Variants in CASQ2 observed in about 807,000 individuals in gnomAD.
CASQ2 encodes the protein calsequestrin 2, also known as calsequestrin-2.
CASQ2 carries 49 observed loss-of-function variants against 46.5 expected under a neutral mutation model. That is an observed-to-expected ratio of 1.05 (90% CI 0.84 to 1.34). The LOEUF (loss-of-function observed/expected upper bound fraction) is 1.34, where lower values mean the gene tolerates loss of function less well. CASQ2 is among the 40% of genes most tolerant of loss of function. The pLI is 0.00. For synonymous variants in CASQ2, 174 were observed against 168.5 expected (o/e 1.03, Z -0.25); for missense variants, 486 against 481.3 (o/e 1.01, Z -0.09).
Position 115,768,495 on chromosome 1 carries a change from G to T in CASQ2, c.47C>A (p.Ser16Tyr). The T allele has an allele frequency of 6.2e-7, 1 of 1,613,742 alleles. No homozygotes were observed. Among genetic ancestry groups the T allele is most frequent in the Admixed American group, 1.7e-5 (1 of 60,026 alleles). ...ATTAAGCCCCTCTTCTGCCCTGCAAGAGGACAGAAAATAAATCCCCACAAT... is the reference window on the plus strand; with the variant it reads ...ATTAAGCCCCTCTTCTGCCCTGCAATAGGACAGAAAATAAATCCCCACAAT... The part of the protein sequence containing the change: ...LFIVGIYFLS[S>Y]CRAEEGLNFP... Residue 16 changes from serine (S) to tyrosine (Y), a missense_variant, in exon 1 of 11, where the codon TCT (serine) becomes TAT (tyrosine). By Grantham distance (144) the Ser-to-Tyr change is moderately radical. Transcript: ENST00000261448.
At chr1:115,739,269 A>G (rs954140666) in intron 3 of CASQ2, among the ~76,000 whole-genome samples, 16 of 150,340 alleles carry the variant, frequency 1.1e-4, no homozygotes, top group Non-Finnish European at 2.1e-4. Flanking sequence ...CACCATGCCC[A>G]GCTAAGTTTT....
chr1:115,742,106 G>A (rs1648202440), intron 2 of CASQ2, among the ~76,000 whole-genome samples: 1 of 152,056 alleles, frequency 6.6e-6, no homozygotes, highest in East Asian at 1.9e-4. Flanking sequence ...GGAGTGCAGG[G>A]CCATGATCAT....
chr1:115,765,934 G>C (rs1649119584), intron 1 of CASQ2, among the ~76,000 whole-genome samples: 1 of 152,150 alleles, frequency 6.6e-6, no homozygotes, highest in Non-Finnish European at 1.5e-5. Context: ...TAGATGTTTT[G>C]ACCATGAAGA....
chr1:115,738,202 C>T (rs1373848508), intron 4 of CASQ2, 22 bp downstream of exon 4: 1 of 1,409,524 alleles, frequency 7.1e-7, no homozygotes, highest in East Asian at 2.3e-5. Context: ...GACTGATCGG[C>T]TGGGGTTGGC....
At chr1:115,734,317 C>T (rs1413079681) in intron 4 of CASQ2, among the ~76,000 whole-genome samples, 2 of 152,112 alleles carry the variant, frequency 1.3e-5, no homozygotes, top group African/African-American at 4.8e-5. Context: ...ATCCTCTATC[C>T]CCCTCTTTTC....
In CASQ2 at chr1:115,725,218, G is replaced by C. The variant is rs74997064; in HGVS notation, c.783+290C>G. On this transcript the variant is annotated intron_variant, in intron 7 of 10. Transcript: ENST00000261448. The stretch of plus-strand genomic sequence containing the variant: ...AGTAGCTGGAACTCCAGGCACATGC[G>C]ACCATGCTCGGTTACTTTTTGCATT... 3.9e-5 allele frequency among the ~76,000 whole-genome samples: 6 copies of C among 151,964 alleles called. No individual in the cohort carries two copies. The East Asian group carries it at 5.8e-4, about 15-fold the overall frequency.
intron 5 of CASQ2, among the ~76,000 whole-genome samples, chr1:115,727,447 A>G (rs1647635511): frequency 6.6e-6 from 1 of 152,220 alleles, no homozygotes; most frequent in Non-Finnish European, 1.5e-5. Flanking sequence ...CCAGGGCTGG[A>G]TGGGAAGCAA....
chr1:115,738,153 G>A, intron 4 of CASQ2, 71 bp downstream of exon 4: 1 of 905,978 alleles, frequency 1.1e-6, no homozygotes, highest in South Asian at 1.3e-5. Flanking sequence ...ATCCTCTTTT[G>A]GGGTAACCTG....
chr1:115,719,212 C>T (rs1057248982), intron 7 of CASQ2, among the ~76,000 whole-genome samples: 6 of 152,156 alleles, frequency 3.9e-5, no homozygotes, highest in Admixed American at 2.6e-4. Flanking sequence ...GTCAGATTCT[C>T]TGGAGAATTT....
intron 8 of CASQ2, among the ~76,000 whole-genome samples, chr1:115,708,582 T>A (rs889043220): frequency 2.0e-5 from 3 of 152,238 alleles, no homozygotes; most frequent in Admixed American, 6.5e-5. Flanking sequence ...ATGATGAAAA[T>A]GATAGCATCT....
intron 1 of CASQ2, among the ~76,000 whole-genome samples, chr1:115,746,343 G>T (rs554599284): frequency 6.6e-6 from 1 of 152,112 alleles, no homozygotes; most frequent in South Asian, 2.1e-4. Flanking sequence ...TGAGATAAAT[G>T]TCTAATAGTA....
intron 7 of CASQ2, among the ~76,000 whole-genome samples, 154 bp downstream of exon 7, chr1:115,725,354 G>A (rs568132735): frequency 2.2e-4 from 33 of 152,050 alleles, no homozygotes; most frequent in African/African-American, 7.2e-4. Flanking sequence ...GTTCTGAGCC[G>A]TCGTACCCAA....
chr1:115,723,254 A>G (rs12039088), intron 7 of CASQ2, among the ~76,000 whole-genome samples: 2 of 110,744 alleles, frequency 1.8e-5, no homozygotes, highest in Non-Finnish European at 3.9e-5. Context: ...CTATCTCTCT[A>G]TATCTATCTA....
At position 115,768,370 on chromosome 1, in the gene CASQ2, C is replaced by T. The variant is rs376824588; in HGVS notation, c.172G>A (p.Glu58Lys). The part of the protein sequence containing the change: ...KYDLLCLYYH[E>K]PVSSDKVTQK... ...GTGACCTTATCTGAAGACACCGGCT[C>T]ATGGTAGTAGAGGCAAAGCAAGTCA... is the stretch of plus-strand genomic sequence containing the variant. The change falls in exon 1 of 11, where the codon GAG becomes AAG. Residue 58 changes from glutamate to lysine, a missense_variant. By Grantham distance (56) the Glu-to-Lys change is moderately conservative. Transcript: ENST00000261448. The T allele has an allele frequency of 1.4e-5, 23 of 1,613,962 alleles. No individual in the cohort carries two copies. The highest frequency in any genetic ancestry group is 2.7e-5 in the African/African-American group (2 of 74,908).
chr1:115,741,364 G>A (rs1257947818), intron 2 of CASQ2, among the ~76,000 whole-genome samples: 2 of 152,170 alleles, frequency 1.3e-5, no homozygotes, highest in Admixed American at 6.5e-5. Context: ...AGTTTTTCTT[G>A]TTCTCCCAGC....
chr1:115,726,044 T>G (rs1647577008), intron 6 of CASQ2, among the ~76,000 whole-genome samples: 2 of 152,236 alleles, frequency 1.3e-5, no homozygotes, highest in South Asian at 4.1e-4. Context: ...TATATTTTGC[T>G]CATAGTTTCA....
intron 1 of CASQ2, among the ~76,000 whole-genome samples, chr1:115,758,993 A>T (rs895120868): frequency 6.6e-6 from 1 of 152,244 alleles, no homozygotes; most frequent in Non-Finnish European, 1.5e-5. Context: ...TAGAAAAAGC[A>T]TAGAGGAGGG....
chr1:115,763,378 C>T (rs910053984), intron 1 of CASQ2, among the ~76,000 whole-genome samples: 3 of 152,008 alleles, frequency 2.0e-5, no homozygotes, highest in South Asian at 2.1e-4. Flanking sequence ...ACATCGAGAG[C>T]GACCTGTGAC....
chr1:115,735,774 A>G (rs765914660), intron 4 of CASQ2, among the ~76,000 whole-genome samples: 1 of 152,246 alleles, frequency 6.6e-6, no homozygotes, highest in African/African-American at 2.4e-5. Flanking sequence ...GAAAAGTGAT[A>G]GCTGTCAGAT....
Sources: allele counts gnomAD v4.1 joint callset (sites outside exome capture counted in the v4.1 genomes callset), GRCh38; gene constraint gnomAD v4.1.1; transcripts MANE v1.5; gene names NCBI Gene and HGNC (gene_info 2026-07-23, HGNC 2026-07-21).